ITFG1: variants seen among roughly 807,000 people sequenced by gnomAD.
ITFG1 encodes integrin alpha FG-GAP repeat containing 1.
In ITFG1, 34 loss-of-function variants were observed where a neutral mutation model predicts 81.8. The observed-to-expected ratio is 0.42, with a 90% confidence interval of 0.32 to 0.55. The LOEUF (loss-of-function observed/expected upper bound fraction) is 0.55, where lower values mean the gene tolerates loss of function less well. Ranked by LOEUF, ITFG1 falls within the 20% of genes least tolerant of loss-of-function variation. The pLI is 0.17. For synonymous variants in ITFG1, 285 were observed against 270.6 expected (o/e 1.05, Z -0.52); for missense variants, 672 against 755.4 (o/e 0.89, Z 1.29).
intron 10 of ITFG1, among the ~76,000 whole-genome samples, chr16:47,296,384 T>C (rs1966981947): frequency 6.6e-6 from 1 of 152,164 alleles, no homozygotes; most frequent in Non-Finnish European, 1.5e-5. Context: ...ATTTCATTGT[T>C]GATCCAAAGA....
chr16:47,306,419 A>G (rs978290223), intron 10 of ITFG1, among the ~76,000 whole-genome samples: 4 of 152,086 alleles, frequency 2.6e-5, no homozygotes, highest in Non-Finnish European at 5.9e-5. Flanking sequence ...AATCCAAAAA[A>G]CCACCATAAA....
At chr16:47,181,519 C>G (rs191454242) in intron 14 of ITFG1, among the ~76,000 whole-genome samples, 1 of 143,560 alleles carries the variant, frequency 7.0e-6, no homozygotes, top group South Asian at 2.2e-4. Flanking sequence ...TCAGCCCCCC[C>G]ACCCGGCCAG....
At chr16:47,322,925 T>G (rs1274918734) in intron 8 of ITFG1, among the ~76,000 whole-genome samples, 1 of 152,192 alleles carries the variant, frequency 6.6e-6, no homozygotes, top group Non-Finnish European at 1.5e-5. Context: ...GATGATTATT[T>G]TTCTCTTGCC....
intron 6 of ITFG1, among the ~76,000 whole-genome samples, chr16:47,377,172 C>T (rs1302216861): frequency 6.6e-6 from 1 of 151,866 alleles, no homozygotes. Flanking sequence ...CATGGAATCA[C>T]CCAAAAGCTA....
chr16:47,233,957 T>C (rs922766498), intron 13 of ITFG1, among the ~76,000 whole-genome samples: 1 of 151,998 alleles, frequency 6.6e-6, no homozygotes, highest in African/African-American at 2.4e-5. Flanking sequence ...CTAGAGGAAA[T>C]AATTGCCTCC....
At chr16:47,455,023 G>T (rs950317662) in intron 2 of ITFG1, among the ~76,000 whole-genome samples, 3 of 152,124 alleles carry the variant, frequency 2.0e-5, no homozygotes, top group African/African-American at 7.2e-5. Flanking sequence ...AAAGTCTCAG[G>T]AATTAAGGAT....
intron 5 of ITFG1, 86 bp downstream of exon 5, chr16:47,451,310 G>A: frequency 1.0e-5 from 7 of 703,490 alleles, no homozygotes; most frequent in Middle Eastern, 2.5e-4. Context: ...TAAAAACAAG[G>A]ATTCCAATGA....
At chr16:47,233,562 T>C (rs1462447201) in intron 13 of ITFG1, among the ~76,000 whole-genome samples, 2 of 152,184 alleles carry the variant, frequency 1.3e-5, no homozygotes, top group African/African-American at 4.8e-5. Context: ...CATTCTGAAA[T>C]ATGCCCAGAG....
chr16:47,373,179 G>A (rs910140546), intron 7 of ITFG1, among the ~76,000 whole-genome samples: 3 of 152,144 alleles, frequency 2.0e-5, no homozygotes, highest in African/African-American at 7.2e-5. Context: ...ATCTGGATGT[G>A]TCTTGTGTCT....
At chr16:47,222,077 T>C (rs895636306) in intron 13 of ITFG1, among the ~76,000 whole-genome samples, 2 of 152,154 alleles carry the variant, frequency 1.3e-5, no homozygotes, top group Non-Finnish European at 2.9e-5. Flanking sequence ...TTTTTGTGTC[T>C]CTATTTCCTT....
intron 12 of ITFG1, 31 bp from the exon 13 acceptor site, chr16:47,238,039 A>G (rs1965895633): frequency 7.6e-7 from 1 of 1,313,580 alleles, no homozygotes; most frequent in Non-Finnish European, 1.1e-6. Context: ...AATTATTACT[A>G]TTATAAGTTT....
intron 14 of ITFG1, among the ~76,000 whole-genome samples, chr16:47,198,674 GT>G (rs113616486): frequency 0.12 from 17,951 of 152,146 alleles, 2,288 homozygotes; most frequent in African/African-American, 0.32. Context: ...CTCCAAGGGT[GT>G]TTATTGCCCC....
rs1368104076 is a variant in ITFG1 at position 47,265,206 on chromosome 16, T to A, written c.1071-4511A>T. Among the ~76,000 whole-genome samples, 5 of 151,646 alleles carry A rather than the reference T, an allele frequency of 3.3e-5. No individual in the cohort carries two copies. In the East Asian group the frequency reaches 9.7e-4, roughly 29 times the overall value. Reference sequence around the variant, plus strand: ...TTTTTTTTTTAAATTTTGTTTACGGTACCCTTCACTAAAAGGTTTTTAATA... The same window carrying A: ...TTTTTTTTTTAAATTTTGTTTACGGAACCCTTCACTAAAAGGTTTTTAATA... On this transcript the variant is annotated intron_variant, in intron 10 of 17. Transcript: ENST00000320640.
At chr16:47,284,260 A>G (rs1029631341) in intron 10 of ITFG1, among the ~76,000 whole-genome samples, 11 of 152,226 alleles carry the variant, frequency 7.2e-5, no homozygotes, top group Non-Finnish European at 1.0e-4. Flanking sequence ...CAAAGTTGTT[A>G]AACAATTATA....
Position 47,367,376 on chromosome 16 carries a change from G to A in ITFG1, c.721-1507C>T, listed in dbSNP as rs368449023. On this transcript the variant is annotated intron_variant, in intron 7 of 17. Coordinates refer to ENST00000320640, the MANE Select transcript of ITFG1 (RefSeq NM_030790.5). ...ACCTTCAGACTCTCCCCCATTCCTG[G>A]AGGCTGTGGGGAAGGGCTAAAAGTC... 1.1e-3 allele frequency among the ~76,000 whole-genome samples: 167 copies of A among 152,294 alleles called. 7 individuals are homozygous for A. The South Asian group carries it at 0.034, about 31-fold the overall frequency.
intron 14 of ITFG1, among the ~76,000 whole-genome samples, chr16:47,175,358 A>C (rs1297376252): frequency 1.3e-5 from 2 of 150,666 alleles, no homozygotes; most frequent in African/African-American, 4.8e-5. Context: ...AAATTATTTA[A>C]TAATTTAAAT....
intron 10 of ITFG1, among the ~76,000 whole-genome samples, chr16:47,303,164 T>C (rs1431607627): frequency 5.3e-5 from 8 of 151,556 alleles, no homozygotes; most frequent in Admixed American, 4.6e-4. Flanking sequence ...CCAGGTACTC[T>C]GGAGGCTGAG....
chr16:47,181,399 A>G (rs189453290), intron 14 of ITFG1, among the ~76,000 whole-genome samples: 12,255 of 104,680 alleles, frequency 0.12, 1,351 homozygotes, highest in African/African-American at 0.32. Context: ...CGGCAGGGAG[A>G]TGGGGGGGTC....
intron 5 of ITFG1, among the ~76,000 whole-genome samples, chr16:47,443,952 C>T (rs1969289581): frequency 1.3e-5 from 2 of 152,034 alleles, no homozygotes; most frequent in African/African-American, 4.8e-5. Flanking sequence ...AAATTTAGAA[C>T]TGCTGATCTA....
Sources: gnomAD v4.1 joint callset for allele counts (sites outside exome capture counted in the v4.1 genomes callset) on GRCh38, gnomAD v4.1.1 for gene constraint, MANE v1.5 for transcripts, NCBI Gene and HGNC (gene_info 2026-07-23, HGNC 2026-07-21) for gene names.